Variants in IL17RD observed in about 807,000 individuals in gnomAD.
IL17RD encodes interleukin 17 receptor D, also known as interleukin-17 receptor D.
In IL17RD, 52 loss-of-function variants were observed where a neutral mutation model predicts 80.5. That is an observed-to-expected ratio of 0.65 (90% CI 0.52 to 0.81). The LOEUF is 0.81. IL17RD is among the 40% of genes least tolerant of loss of function. IL17RD has a pLI of 0.00. For synonymous variants in IL17RD, 416 were observed against 391.8 expected (o/e 1.06, Z -0.73); for missense variants, 1,024 against 955.1 (o/e 1.07, Z -0.95).
intron 1 of IL17RD, among the ~76,000 whole-genome samples, chr3:57,155,708 A>G (rs1035670817): frequency 2.6e-5 from 4 of 152,280 alleles, no homozygotes; most frequent in African/African-American, 7.2e-5. Context: ...CTCCAGCCTC[A>G]GTCTCCTGAG....
At position 57,092,923 on chromosome 3, in the gene IL17RD, G is replaced by C. The variant is rs920975912; in HGVS notation, c.*3470C>G. The C allele has an allele frequency of 6.6e-6, 1 of 152,084 alleles. No homozygotes were observed. Among genetic ancestry groups the C allele is most frequent in the Admixed American group, 6.5e-5 (1 of 15,280 alleles). 9.4% of individuals were successfully genotyped at this position (152,084 alleles called of 1,614,324 possible). ...ATCAGGTCCATCCATGTCTTCTGCTGGGTCTAAATTCACTTGAATTTTAAC... is the reference window on the plus strand; with the variant it reads ...ATCAGGTCCATCCATGTCTTCTGCTCGGTCTAAATTCACTTGAATTTTAAC... On this transcript the variant is annotated 3_prime_UTR_variant, in exon 13 of 13. Transcript: ENST00000296318.
At chr3:57,117,339 C>G (rs113094924) in intron 2 of IL17RD, among the ~76,000 whole-genome samples, 4,095 of 152,228 alleles carry the variant, frequency 0.027, 178 homozygotes, top group African/African-American at 0.092. Flanking sequence ...GTCTCGAACT[C>G]CTGACCTCAG....
Position 57,090,925 on chromosome 3 carries a change from T to C in IL17RD, c.*5468A>G, listed in dbSNP as rs915932592. 1 of 152,196 alleles carries C rather than the reference T, an allele frequency of 6.6e-6. No homozygotes were observed. The highest frequency in any genetic ancestry group is 1.5e-5 in the Non-Finnish European group (1 of 68,036). The allele number at this position is 152,196 out of a possible 1,614,324, so 9.4% of individuals were successfully genotyped here. On this transcript the variant is annotated 3_prime_UTR_variant, in exon 13 of 13. Coordinates refer to ENST00000296318, the MANE Select transcript of IL17RD (RefSeq NM_017563.5). ...TGTGCAAAACGCAGTGCTTGGTCAA[T>C]TGAGAGCAGAACATAAACAAGATCC...
Position 57,110,824 on chromosome 3 carries a change from T to C in IL17RD, c.311-513A>G, listed in dbSNP as rs531041017. Among the ~76,000 whole-genome samples, 8 of 152,348 alleles carry C rather than the reference T, an allele frequency of 5.3e-5. No homozygotes were observed. The South Asian group carries it at 1.2e-3, about 24-fold the overall frequency. ...ACCCAAGGGGTTCTGAGGCTTGAGA[T>C]TAAATAGCTTAGGGGAATGCCTGTG... is the stretch of plus-strand genomic sequence containing the variant. On this transcript the variant is annotated intron_variant, in intron 3 of 12. Transcript: ENST00000296318.
At chr3:57,161,036 G>C (rs2060301385) in intron 1 of IL17RD, among the ~76,000 whole-genome samples, 1 of 152,228 alleles carries the variant, frequency 6.6e-6, no homozygotes, top group Non-Finnish European at 1.5e-5. Context: ...GTGGATGGCT[G>C]AGGTTGGGGA....
chr3:57,096,735 C>T (rs922657488), intron 12 of IL17RD, among the ~76,000 whole-genome samples: 3 of 152,106 alleles, frequency 2.0e-5, no homozygotes, highest in Admixed American at 1.3e-4. Flanking sequence ...TTAGGCCGGG[C>T]GCAGTGGCTC....
chr3:57,144,773 G>C lies in IL17RD; in HGVS notation c.126+20388C>G, dbSNP rs79912823. ...ACCCACAGAACAGCAATGCCTGCATGAGAGGCAAGGACCTGTGGGTGGGGC... is the reference window on the plus strand; with the variant it reads ...ACCCACAGAACAGCAATGCCTGCATCAGAGGCAAGGACCTGTGGGTGGGGC... On this transcript the variant is annotated intron_variant, in intron 1 of 12. Coordinates refer to ENST00000296318, the MANE Select transcript of IL17RD (RefSeq NM_017563.5). Among the ~76,000 whole-genome samples, 192 of 152,352 alleles carry C rather than the reference G, an allele frequency of 1.3e-3. 5 individuals are homozygous for C. In the East Asian group the frequency reaches 0.023, roughly 18 times the overall value.
intron 1 of IL17RD, among the ~76,000 whole-genome samples, chr3:57,146,045 G>GCGTGCACA (rs766646872): frequency 3.3e-5 from 5 of 151,138 alleles, no homozygotes; most frequent in Non-Finnish European, 5.9e-5. Flanking sequence ...GCGCGCGCGC[G>GCGTGCACA]CACACACACA....
intron 2 of IL17RD, among the ~76,000 whole-genome samples, chr3:57,119,280 A>G (rs1370016651): frequency 1.3e-5 from 2 of 150,514 alleles, no homozygotes; most frequent in Admixed American, 1.3e-4. Flanking sequence ...CGGACCCGGG[A>G]GGTGGAGCTT....
rs542523170 is a variant in IL17RD, at chr3:57,101,381, A to G, written c.980-18T>C. 3 of 1,504,062 alleles carry G rather than the reference A, an allele frequency of 2.0e-6. No homozygotes were observed. The highest frequency in any genetic ancestry group is 1.8e-5 in the Admixed American group (1 of 54,722). 93.2% of individuals were successfully genotyped at this position (1,504,062 alleles called of 1,614,324 possible). A position where few individuals can be genotyped will look rare whatever the true frequency, so the allele number is the denominator to read the frequency against. ...TATATTTTCTAAATTGGAAAAGAAG[A>G]TAAGGTTGATACTTGCAAGCAACGC... On this transcript the variant is annotated intron_variant, in intron 10 of 12. Coordinates refer to ENST00000296318, the MANE Select transcript of IL17RD (RefSeq NM_017563.5).
chr3:57,124,344 A>T (rs1365473497), intron 1 of IL17RD, among the ~76,000 whole-genome samples: 1 of 152,154 alleles, frequency 6.6e-6, no homozygotes, highest in Non-Finnish European at 1.5e-5. Flanking sequence ...GACTATGGAG[A>T]TGTAATTAAG....
intron 1 of IL17RD, among the ~76,000 whole-genome samples, chr3:57,158,639 C>G (rs982552553): frequency 8.5e-5 from 13 of 152,090 alleles, no homozygotes; most frequent in African/African-American, 2.4e-4. Flanking sequence ...AAAAGGGAAT[C>G]CATTTTTATC....
At chr3:57,143,014 C>T (rs112252736) in intron 1 of IL17RD, among the ~76,000 whole-genome samples, 1 of 152,012 alleles carries the variant, frequency 6.6e-6, no homozygotes, top group Middle Eastern at 3.4e-3. Context: ...GTGTTTCAAA[C>T]GGAGCATAAA....
intron 1 of IL17RD, among the ~76,000 whole-genome samples, chr3:57,164,537 C>T (rs1003777569): frequency 8.5e-5 from 13 of 152,134 alleles, no homozygotes; most frequent in Admixed American, 2.0e-4. Flanking sequence ...GGATATCAGC[C>T]GCGAGACCTT....
chr3:57,147,643 T>C (rs1707959712), intron 1 of IL17RD, among the ~76,000 whole-genome samples: 1 of 152,190 alleles, frequency 6.6e-6, no homozygotes, highest in Non-Finnish European at 1.5e-5. Flanking sequence ...ACAGCCCAAA[T>C]GCCTCATCAA....
intron 10 of IL17RD, 47 bp downstream of exon 10, chr3:57,102,432 C>T (rs771863408): frequency 2.7e-6 from 3 of 1,098,958 alleles, no homozygotes; most frequent in South Asian, 4.0e-5. Context: ...GGCAGCACCC[C>T]CTGGCCTGCC....
In IL17RD at chr3:57,096,080, G is replaced by A. The variant is rs1706663768; in HGVS notation, c.*313C>T. ...GAATGATTAGTGCAGGTATCTTCCTGTTTTTCTTTACATATTTCCTCCCTA... is the reference window on the plus strand; with the variant it reads ...GAATGATTAGTGCAGGTATCTTCCTATTTTTCTTTACATATTTCCTCCCTA... On this transcript the variant is annotated 3_prime_UTR_variant, in exon 13 of 13. Coordinates refer to ENST00000296318, the MANE Select transcript of IL17RD (RefSeq NM_017563.5). 1 of 310,088 alleles carries A rather than the reference G, an allele frequency of 3.2e-6. No individual in the cohort carries two copies. Among genetic ancestry groups the A allele is most frequent in the Non-Finnish European group, 6.1e-6 (1 of 163,598 alleles). The allele number at this position is 310,088 out of a possible 1,614,324, so 19.2% of individuals were successfully genotyped here.
intron 1 of IL17RD, among the ~76,000 whole-genome samples, chr3:57,140,424 G>T (rs1231198211): frequency 6.6e-6 from 1 of 152,098 alleles, no homozygotes; most frequent in East Asian, 1.9e-4. Context: ...TCAAAAGATT[G>T]GCTAGAATGG....
At chr3:57,134,176 T>A in intron 1 of IL17RD, 1 of 670,968 alleles carries the variant, frequency 1.5e-6, no homozygotes, top group Non-Finnish European at 2.8e-6. Context: ...GCCTTTAGTG[T>A]CCTCTGCTGT....
Sources: gnomAD v4.1 joint callset for allele counts (sites outside exome capture counted in the v4.1 genomes callset) on GRCh38, gnomAD v4.1.1 for gene constraint, MANE v1.5 for transcripts, NCBI Gene and HGNC (gene_info 2026-07-23, HGNC 2026-07-21) for gene names.